Variants in ERBB3 observed in about 807,000 individuals in gnomAD.
ERBB3 encodes the protein receptor tyrosine-protein kinase erbB-3.
ERBB3 carries 96 observed loss-of-function variants against 156.7 expected under a neutral mutation model. The observed-to-expected ratio is 0.61, with a 90% confidence interval of 0.52 to 0.73. The LOEUF is 0.73. ERBB3 is among the 30% of genes least tolerant of loss of function. ERBB3 has a pLI of 0.00. For missense variants in ERBB3, 1,406 were observed against 1,709.4 expected, an observed-to-expected ratio of 0.82 and a Z score of 3.13; for synonymous variants, 567 against 632.0, an observed-to-expected ratio of 0.90 and a Z score of 1.54.
chr12:56,085,394 C>T, intron 3 of ERBB3: 1 of 1,443,552 alleles, frequency 6.9e-7, no homozygotes, highest in Non-Finnish European at 9.1e-7. Context: ...AACCCTGTGT[C>T]CTTGTGGGGC....
intron 20 of ERBB3, among the ~76,000 whole-genome samples, chr12:56,097,558 T>G (rs1868929359): frequency 6.6e-6 from 1 of 152,144 alleles, no homozygotes; most frequent in Admixed American, 6.5e-5. Context: ...GGTTGTGCAC[T>G]CCTTATGAGA....
At position 56,101,307 on chromosome 12, in the gene ERBB3, G is replaced by A. The variant is rs1804467685; in HGVS notation, c.3448G>A (p.Gly1150Arg). Reference sequence around the variant, plus strand: ...TCCTGTTACCCCACTCTCCCCACCCGGGTTAGAGGAAGAGGATGTCAACGG... The same window carrying A: ...TCCTGTTACCCCACTCTCCCCACCCAGGTTAGAGGAAGAGGATGTCAACGG... ...LTPVTPLSPP[G>R]LEEEDVNGYV... Residue 1150 changes from glycine to arginine, a missense_variant, in exon 27 of 28, where the codon GGG becomes AGG. Transcript: ENST00000267101. 5 of 1,614,128 alleles carry A rather than the reference G, an allele frequency of 3.1e-6. No homozygotes were observed. The highest frequency in any genetic ancestry group is 1.3e-5 in the African/African-American group (1 of 75,036).
intron 7 of ERBB3, among the ~76,000 whole-genome samples, 188 bp downstream of exon 7, chr12:56,088,350 C>T (rs933514922): frequency 2.0e-5 from 3 of 152,220 alleles, no homozygotes; most frequent in African/African-American, 7.2e-5. Context: ...ATCACCCTTA[C>T]TTCTGCTCCT....
In ERBB3 at chr12:56,092,816, C is replaced by T; in HGVS notation, c.1179C>T (p.Ile393=). ...KLNVFRTVRE[I]TGYLNIQSWP... is the part of the protein sequence containing the mutation. ...ATGTCTTCCGGACAGTACGGGAGAT[C>T]ACAGGTGAGTGGCAGAGAGTTTGCC... The change falls in exon 10 of 28, where the codon ATC becomes ATT. Residue 393 remains isoleucine, a synonymous_variant. Transcript: ENST00000267101. The T allele has an allele frequency of 6.2e-7, 1 of 1,613,764 alleles. No individual in the cohort carries two copies. The highest frequency in any genetic ancestry group is 8.5e-7 in the Non-Finnish European group (1 of 1,179,676).
upstream of ERBB3, chr12:56,080,161 G>T: frequency 1.4e-6 from 1 of 711,430 alleles, no homozygotes; most frequent in Admixed American, 2.0e-5. Context: ...CTCCGGCTCC[G>T]ATTGCAATTT....
rs1407463956 is a variant in ERBB3 at position 56,088,105 on chromosome 12, G to C, written c.817G>C (p.Glu273Gln). The change falls in exon 7 of 28, where the codon GAA becomes CAA. Residue 273 changes from glutamate to glutamine, a missense_variant. Physicochemically the swap from Glu to Gln is conservative, Grantham distance 29. Around this residue, in one of 3 missense-constraint regions of ERBB3, gnomAD observed 979 missense variants for 1,219.6 expected, o/e 0.80. Coordinates refer to ENST00000267101, the MANE Select transcript of ERBB3 (RefSeq NM_001982.4). Reference sequence around the variant, plus strand: ...CTACAACAAGCTAACTTTCCAGCTGGAACCCAATCCCCACACCAAGTATCA... The same window carrying C: ...CTACAACAAGCTAACTTTCCAGCTGCAACCCAATCCCCACACCAAGTATCA... ...LVYNKLTFQLEPNPHTKYQYG... is the reference protein window; with the variant it reads ...LVYNKLTFQLQPNPHTKYQYG... 1 of 1,614,144 alleles carries C rather than the reference G, an allele frequency of 6.2e-7. No homozygotes were observed. Among genetic ancestry groups the C allele is most frequent in the Non-Finnish European group, 8.5e-7 (1 of 1,180,028 alleles).
intron 23 of ERBB3, 48 bp downstream of exon 23, chr12:56,098,953 T>TTA: frequency 6.5e-7 from 1 of 1,547,532 alleles, no homozygotes; most frequent in Non-Finnish European, 8.8e-7. Flanking sequence ...TTCTTTTTTT[T>TTA]TCTTTTTTTT....
chr12:56,094,629 G>C, intron 15 of ERBB3, 73 bp downstream of exon 15: 2 of 1,533,140 alleles, frequency 1.3e-6, no homozygotes, highest in South Asian at 1.1e-5. Flanking sequence ...GAGGGAAGCA[G>C]AAAGAAGAGA....
intron 16 of ERBB3, 82 bp from the exon 17 acceptor site, chr12:56,095,583 C>T: frequency 6.5e-7 from 1 of 1,541,240 alleles, no homozygotes; most frequent in South Asian, 1.1e-5. Flanking sequence ...AGGTCAGCAT[C>T]ATACCTTCAA....
chr12:56,098,960 T>C (rs1195833779), intron 23 of ERBB3, 55 bp downstream of exon 23: 26 of 1,525,086 alleles, frequency 1.7e-5, no homozygotes, highest in Non-Finnish European at 2.3e-5. Context: ...TTTTTCTTTT[T>C]TTTTTTTTTT....
chr12:56,089,102 C>T (rs958516007), intron 9 of ERBB3: 3 of 628,568 alleles, frequency 4.8e-6, no homozygotes, highest in African/African-American at 1.8e-5. Context: ...GGGACAGGAA[C>T]AACATATCCT....
rs762991374 is a variant in ERBB3, at chr12:56,080,287, C to T, written c.-14C>T. On this transcript the variant is annotated 5_prime_UTR_variant, in exon 1 of 28. Coordinates refer to ENST00000267101, the MANE Select transcript of ERBB3 (RefSeq NM_001982.4). ...GCCGGACTTGGCTGGGCTCCCTTCA[C>T]CCTCTGCGGAGTCATGAGGGCGAAC... 6.4e-7 allele frequency: 1 copy of T among 1,556,424 alleles called. No homozygotes were observed. The highest frequency in any genetic ancestry group is 1.2e-5 in the South Asian group (1 of 84,870).
At chr12:56,088,440 C>T in intron 7 of ERBB3, 103 bp from the exon 8 acceptor site, 3 of 972,462 alleles carry the variant, frequency 3.1e-6, no homozygotes, top group East Asian at 2.4e-5. Flanking sequence ...GGGGACAAAT[C>T]CAGTGCAGAG....
At chr12:56,081,872 C>T (rs1447651094) in intron 1 of ERBB3, among the ~76,000 whole-genome samples, 1 of 152,066 alleles carries the variant, frequency 6.6e-6, no homozygotes, top group Non-Finnish European at 1.5e-5. Flanking sequence ...CAAAGGAGGG[C>T]CTGTGACACT....
At position 56,102,222 on chromosome 12, in the gene ERBB3, C is replaced by T. The variant is rs1869137314; in HGVS notation, c.*167C>T. On this transcript the variant is annotated 3_prime_UTR_variant, in exon 28 of 28. Transcript: ENST00000267101. ...CTTTTAAACATTTTGACACAAAATTCTTATGGTATGTAGCCAGCTGTGCAC... is the reference window on the plus strand; with the variant it reads ...CTTTTAAACATTTTGACACAAAATTTTTATGGTATGTAGCCAGCTGTGCAC... The T allele has an allele frequency of 1.5e-6, 1 of 672,168 alleles. No homozygotes were observed. Among genetic ancestry groups the T allele is most frequent in the South Asian group, 1.7e-5 (1 of 57,804 alleles). 41.6% of individuals were successfully genotyped at this position (672,168 alleles called of 1,614,324 possible). A position where few individuals can be genotyped will look rare whatever the true frequency, so the allele number is the denominator to read the frequency against.
chr12:56,086,899 T>C (rs953947533), intron 4 of ERBB3, among the ~76,000 whole-genome samples: 1 of 152,054 alleles, frequency 6.6e-6, no homozygotes, highest in Admixed American at 6.5e-5. Context: ...CCTGGCACTT[T>C]GGGAAGCCAA....
chr12:56,083,072 C>T (rs953257821), intron 1 of ERBB3, among the ~76,000 whole-genome samples: 2 of 152,014 alleles, frequency 1.3e-5, no homozygotes, highest in Non-Finnish European at 2.9e-5. Flanking sequence ...TCCCATTGAC[C>T]CCCCCTCACC....
intron 15 of ERBB3, among the ~76,000 whole-genome samples, chr12:56,095,006 A>C (rs567205523): frequency 6.6e-6 from 1 of 152,224 alleles, no homozygotes; most frequent in Admixed American, 6.5e-5. Context: ...GAGAAAGGGA[A>C]AATCAGTAAC....
chr12:56,080,278 C>T lies in ERBB3; in HGVS notation c.-23C>T. On this transcript the variant is annotated 5_prime_UTR_variant, in exon 1 of 28. Coordinates refer to ENST00000267101, the MANE Select transcript of ERBB3 (RefSeq NM_001982.4). Reference sequence around the variant, plus strand: ...GGCCCCCGGGCCGGACTTGGCTGGGCTCCCTTCACCCTCTGCGGAGTCATG... The same window carrying T: ...GGCCCCCGGGCCGGACTTGGCTGGGTTCCCTTCACCCTCTGCGGAGTCATG... 1 of 1,549,392 alleles carries T rather than the reference C, an allele frequency of 6.5e-7. No individual in the cohort carries two copies. Among genetic ancestry groups the T allele is most frequent in the African/African-American group, 1.4e-5 (1 of 73,330 alleles).
Sources: allele counts gnomAD v4.1 joint callset (sites outside exome capture counted in the v4.1 genomes callset), GRCh38; gene constraint gnomAD v4.1.1; regional missense constraint gnomAD v4.1.1; transcripts MANE v1.5; gene names NCBI Gene and HGNC (gene_info 2026-07-23, HGNC 2026-07-21).